Variants in PTPRN2 observed in about 807,000 individuals in gnomAD.
The protein encoded by PTPRN2 is protein tyrosine phosphatase receptor type N2.
Under a neutral mutation model 118.8 loss-of-function variants are expected in PTPRN2, and 74 were observed. The observed-to-expected ratio is 0.62, with a 90% CI of 0.52 to 0.76. The LOEUF (loss-of-function observed/expected upper bound fraction) is 0.76. Ranked by LOEUF, PTPRN2 falls within the 30% of genes least tolerant of loss-of-function variation. The pLI is 0.00. For missense variants in PTPRN2, 1,481 were observed against 1,394.4 expected (o/e 1.06, Z -0.99); for synonymous variants, 641 against 608.0 (o/e 1.05, Z -0.80).
chr7:157,733,243 T>C (rs868423786), intron 12 of PTPRN2, among the ~76,000 whole-genome samples: 3 of 12,868 alleles, frequency 2.3e-4, no homozygotes, highest in Admixed American at 7.8e-4. Context: ...GTTACTCTTT[T>C]CCGTCCCACG....
intron 5 of PTPRN2, among the ~76,000 whole-genome samples, chr7:158,178,725 G>A (rs1824436401): frequency 6.6e-6 from 1 of 151,080 alleles, no homozygotes; most frequent in Non-Finnish European, 1.5e-5. Flanking sequence ...AGCCTCCCAA[G>A]TAGCTGGGAC....
intron 11 of PTPRN2, among the ~76,000 whole-genome samples, chr7:158,006,486 G>A (rs1192815745): frequency 1.3e-5 from 2 of 152,222 alleles, no homozygotes; most frequent in African/African-American, 2.4e-5. Context: ...CACCTGCGGT[G>A]AGTCCCAGCA....
intron 2 of PTPRN2, among the ~76,000 whole-genome samples, chr7:158,454,391 T>C (rs112228089): frequency 1.5e-4 from 21 of 140,266 alleles, no homozygotes; most frequent in Non-Finnish European, 2.5e-4. Context: ...GATGTGAGGA[T>C]TGGGGACAGT....
In PTPRN2 at chr7:158,546,065, G is replaced by C. The variant is rs1043691702; in HGVS notation, c.112+41493C>G. Among the ~76,000 whole-genome samples the C allele has an allele frequency of 6.6e-6, 1 of 152,224 alleles. No individual in the cohort carries two copies. Among genetic ancestry groups the C allele is most frequent in the East Asian group, 1.9e-4 (1 of 5,192 alleles). ...CCAGGAGGTAATTTACCTCCAGCAA[G>C]GGCTGGAGACCAAAAAAACTGGGCC... On this transcript the variant is annotated intron_variant, in intron 1 of 22. Coordinates refer to ENST00000389418, the MANE Select transcript of PTPRN2 (RefSeq NM_002847.5). This position sits in a 1 kb window ranked among gnomAD's most constrained non-coding sequence, Gnocchi z 5.0.
intron 2 of PTPRN2, 81 bp from the exon 3 acceptor site, chr7:158,317,013 T>A: frequency 9.5e-6 from 10 of 1,055,650 alleles, no homozygotes; most frequent in Non-Finnish European, 6.8e-6. Flanking sequence ...GTCCTTGCAA[T>A]GCGTTCTGAT....
At chr7:158,324,770 C>T (rs1361034635) in intron 2 of PTPRN2, among the ~76,000 whole-genome samples, 1 of 152,118 alleles carries the variant, frequency 6.6e-6, no homozygotes, top group South Asian at 2.1e-4. Flanking sequence ...CTGTGACACC[C>T]ATAGCACTGA....
intron 11 of PTPRN2, among the ~76,000 whole-genome samples, chr7:158,074,200 A>C (rs1226687028): frequency 6.6e-6 from 1 of 152,168 alleles, no homozygotes; most frequent in African/African-American, 2.4e-5. Flanking sequence ...CATCCAGGGT[A>C]CAGGGCCTTC....
chr7:157,769,435 A>G (rs975684647), intron 12 of PTPRN2, among the ~76,000 whole-genome samples: 1 of 152,152 alleles, frequency 6.6e-6, no homozygotes, highest in African/African-American at 2.4e-5. Context: ...ATTGACTTCT[A>G]GGTGTGACAG....
At chr7:157,564,197 T>C (rs1799370077) in intron 21 of PTPRN2, among the ~76,000 whole-genome samples, 1 of 152,226 alleles carries the variant, frequency 6.6e-6, no homozygotes, top group Non-Finnish European at 1.5e-5. Context: ...AATGGTGCGA[T>C]CTCAGGTCAC....
intron 5 of PTPRN2, among the ~76,000 whole-genome samples, chr7:158,186,393 C>T (rs966780917): frequency 2.6e-5 from 4 of 151,950 alleles, no homozygotes; most frequent in South Asian, 2.1e-4. Flanking sequence ...CTCATGTGGT[C>T]GGGGTGGGAG....
chr7:157,880,998 G>T (rs1490138802), intron 12 of PTPRN2, among the ~76,000 whole-genome samples: 4 of 152,352 alleles, frequency 2.6e-5, no homozygotes, highest in African/African-American at 7.2e-5. Flanking sequence ...CCTATGGGAA[G>T]CTCTAATCCC....
intron 2 of PTPRN2, among the ~76,000 whole-genome samples, chr7:158,425,368 CCG>C (rs1338482243): frequency 9.4e-6 from 1 of 106,402 alleles, no homozygotes; most frequent in Non-Finnish European, 1.8e-5. Context: ...GACGCGGTGT[CCG>C]AGTCCAGCCT....
At chr7:157,726,743 C>G (rs543639018) in intron 12 of PTPRN2, among the ~76,000 whole-genome samples, 14 of 152,186 alleles carry the variant, frequency 9.2e-5, no homozygotes, top group Admixed American at 8.5e-4. Flanking sequence ...AAAAGATTTG[C>G]GAATCAAATT....
chr7:158,171,268 CATAT>C (rs1266622555), intron 5 of PTPRN2, among the ~76,000 whole-genome samples: 4 of 97,448 alleles, frequency 4.1e-5, no homozygotes, highest in Admixed American at 1.1e-4. Flanking sequence ...TATATACACA[CATAT>C]ATACACACAT....
intron 21 of PTPRN2, among the ~76,000 whole-genome samples, chr7:157,555,682 A>C (rs1798841279): frequency 6.6e-6 from 1 of 152,256 alleles, no homozygotes; most frequent in Non-Finnish European, 1.5e-5. Flanking sequence ...GCAGGGATGC[A>C]ATGTATTCTT....
intron 2 of PTPRN2, among the ~76,000 whole-genome samples, chr7:158,397,242 C>T (rs537292385): frequency 2.6e-5 from 4 of 152,356 alleles, no homozygotes; most frequent in South Asian, 4.1e-4. Flanking sequence ...AGATGCCCTC[C>T]GAGGTAGGGA....
intron 3 of PTPRN2, among the ~76,000 whole-genome samples, chr7:158,308,861 C>T (rs1487826293): frequency 6.6e-6 from 1 of 151,980 alleles, no homozygotes; most frequent in Non-Finnish European, 1.5e-5. Flanking sequence ...CATATGCCAA[C>T]AAACTAGATA....
At chr7:158,487,068 G>A (rs959544228) in intron 2 of PTPRN2, among the ~76,000 whole-genome samples, 2 of 152,200 alleles carry the variant, frequency 1.3e-5, no homozygotes, top group African/African-American at 4.8e-5. Flanking sequence ...CAGCATAACA[G>A]CCTCAAGCTC....
intron 2 of PTPRN2, among the ~76,000 whole-genome samples, chr7:158,463,505 C>G (rs1819156564): frequency 6.6e-6 from 1 of 151,886 alleles, no homozygotes; most frequent in Non-Finnish European, 1.5e-5. Context: ...ACCATCACCA[C>G]CATCATCACC....
Sources: allele counts gnomAD v4.1 joint callset (sites outside exome capture counted in the v4.1 genomes callset), GRCh38; gene constraint gnomAD v4.1.1; non-coding constraint Gnocchi (gnomAD v3.1); transcripts MANE v1.5; gene names NCBI Gene and HGNC (gene_info 2026-07-23, HGNC 2026-07-21).